Variants in PCSK6 observed in about 807,000 individuals in gnomAD.
The protein encoded by PCSK6 is paired basic amino acid cleaving enzyme 4.
A neutral mutation model predicts 123.3 loss-of-function variants in PCSK6; 85 were observed. The ratio of observed to expected loss-of-function variants is 0.69; its 90% CI spans 0.58 to 0.83. The LOEUF (loss-of-function observed/expected upper bound fraction) is 0.83, where lower values mean the gene tolerates loss of function less well. Among genes scored for constraint, PCSK6 ranks in the 40% least tolerant of loss-of-function variants. The pLI is 0.00. For missense variants in PCSK6, 1,191 were observed against 1,282.3 expected, an observed-to-expected ratio of 0.93 and a Z score of 1.09; for synonymous variants, 508 against 516.0, an observed-to-expected ratio of 0.98 and a Z score of 0.21.
chr15:101,349,301 T>C (rs1303621344), intron 13 of PCSK6, among the ~76,000 whole-genome samples: 1 of 152,162 alleles, frequency 6.6e-6, no homozygotes, highest in Non-Finnish European at 1.5e-5. Context: ...TCGGGAAAAG[T>C]GTTGCTTAAG....
Position 101,363,796 on chromosome 15 carries a change from A to ATT in PCSK6, c.1858+2398_1858+2399dup, listed in dbSNP as rs34172190. Among the ~76,000 whole-genome samples, 784 of 142,738 alleles carry ATT rather than the reference A, an allele frequency of 5.5e-3. 5 individuals are homozygous for ATT. The highest frequency in any genetic ancestry group is 0.017 in the African/African-American group (650 of 38,666). 93.6% of individuals were successfully genotyped at this position (142,738 alleles called of 152,430 possible). A position where few individuals can be genotyped will look rare whatever the true frequency, so the allele number is the denominator to read the frequency against. On this transcript the variant is annotated intron_variant, in intron 13 of 21. Transcript: ENST00000611716. Reference sequence around the variant, plus strand: ...AGGTGCCTGCCACCTTGCCTGGCTAATTTTTTTTTTTTTTTGGATTTTTAG... The same window carrying ATT: ...AGGTGCCTGCCACCTTGCCTGGCTAATTTTTTTTTTTTTTTTTGGATTTTTAG...
intron 6 of PCSK6, among the ~76,000 whole-genome samples, chr15:101,419,152 C>G (rs528820139): frequency 4.0e-5 from 6 of 151,806 alleles, no homozygotes; most frequent in African/African-American, 1.2e-4. Flanking sequence ...GATAAAACCA[C>G]CATTATATTT....
chr15:101,387,009 T>G (rs1328111244), intron 9 of PCSK6, among the ~76,000 whole-genome samples: 1 of 152,198 alleles, frequency 6.6e-6, no homozygotes, highest in Admixed American at 6.5e-5. Flanking sequence ...TTGGGTATAC[T>G]CCTTCCCTGG....
intron 6 of PCSK6, among the ~76,000 whole-genome samples, chr15:101,402,772 C>T (rs1269404260): frequency 6.6e-6 from 1 of 152,160 alleles, no homozygotes; most frequent in Non-Finnish European, 1.5e-5. Flanking sequence ...CAGGAAACAA[C>T]AGGTGCTGGA....
chr15:101,398,301 T>C lies in PCSK6; in HGVS notation c.996+103A>G. The C allele has an allele frequency of 7.3e-7, 1 of 1,376,840 alleles. No individual in the cohort carries two copies. Among genetic ancestry groups the C allele is most frequent in the Non-Finnish European group, 9.9e-7 (1 of 1,010,852 alleles). The allele number at this position is 1,376,840 out of a possible 1,614,324, so 85.3% of individuals were successfully genotyped here. ...GCACCTGTCACAGCAGAGTCTTCCC[T>C]GTCTTGTTTCAGGGCTGTGGCCAGT... is the stretch of plus-strand genomic sequence containing the variant. On this transcript the variant is annotated intron_variant, in intron 7 of 21. Coordinates refer to ENST00000611716, the MANE Select transcript of PCSK6 (RefSeq NM_002570.5). This position sits in a 1 kb window ranked among gnomAD's most constrained non-coding sequence, Gnocchi z 4.6.
intron 15 of PCSK6, among the ~76,000 whole-genome samples, chr15:101,330,214 C>T (rs1416995632): frequency 6.6e-6 from 1 of 152,242 alleles, no homozygotes; most frequent in Non-Finnish European, 1.5e-5. Context: ...TGCTCTGGTC[C>T]TCAACCTTCC....
intron 6 of PCSK6, among the ~76,000 whole-genome samples, chr15:101,411,512 G>A (rs7173117): frequency 0.29 from 44,145 of 152,100 alleles, 7,088 homozygotes; most frequent in African/African-American, 0.44. Flanking sequence ...GCCACATGGG[G>A]ATCTGTGAGC....
Position 101,370,319 on chromosome 15 carries a change from G to T in PCSK6, c.1721+16C>A. ...CAGTGAGCCCAGACCCCATCCCCACGCCTGCCTCGCCTTACCTCTTTGCCA... is the reference window on the plus strand; with the variant it reads ...CAGTGAGCCCAGACCCCATCCCCACTCCTGCCTCGCCTTACCTCTTTGCCA... On this transcript the variant is annotated intron_variant, in intron 12 of 21. Transcript: ENST00000611716. The T allele has an allele frequency of 3.3e-6, 5 of 1,500,864 alleles. No individual in the cohort carries two copies. Among genetic ancestry groups the T allele is most frequent in the Non-Finnish European group, 4.5e-6 (5 of 1,119,022 alleles). 93.0% of individuals were successfully genotyped at this position (1,500,864 alleles called of 1,614,324 possible).
intron 1 of PCSK6, among the ~76,000 whole-genome samples, chr15:101,472,260 G>A (rs967916542): frequency 6.6e-6 from 1 of 152,206 alleles, no homozygotes; most frequent in Non-Finnish European, 1.5e-5. Flanking sequence ...AGGGGCCGAC[G>A]CAGAAATCAA....
chr15:101,489,302 C>A, intron 1 of PCSK6, 72 bp downstream of exon 1: 7 of 971,154 alleles, frequency 7.2e-6, no homozygotes, highest in Non-Finnish European at 8.8e-6. Flanking sequence ...GACAGGACTG[C>A]GGAGGCGCCC....
At chr15:101,396,599 C>T (rs1317567303) in intron 7 of PCSK6, among the ~76,000 whole-genome samples, 2 of 151,868 alleles carry the variant, frequency 1.3e-5, no homozygotes, top group African/African-American at 2.4e-5. Context: ...TGGGTTGGAG[C>T]TGGGAGCTAA....
At chr15:101,428,096 TTA>T in intron 5 of PCSK6, 116 bp from the exon 6 acceptor site, 1 of 828,464 alleles carries the variant, frequency 1.2e-6, no homozygotes, top group Non-Finnish European at 1.9e-6. Flanking sequence ...AGAGATGTCA[TTA>T]AAGCCCATTT....
At chr15:101,313,662 C>A in intron 19 of PCSK6, 157 bp from the exon 20 acceptor site, 1 of 1,069,872 alleles carries the variant, frequency 9.3e-7, no homozygotes, top group Non-Finnish European at 1.3e-6. Flanking sequence ...GCTGGGCCGT[C>A]CTCACCCACT....
chr15:101,389,535 G>A lies in PCSK6; in HGVS notation c.1239C>T (p.Thr413=), dbSNP rs77239269. 1.0e-3 allele frequency: 1,678 copies of A among 1,613,552 alleles called. 17 individuals are homozygous for A. The African/African-American group carries it at 0.018, about 17-fold the overall frequency. Residue 413 remains threonine (T), a synonymous_variant, in exon 9 of 22, where the codon ACC becomes ACT. Coordinates refer to ENST00000611716, the MANE Select transcript of PCSK6 (RefSeq NM_002570.5). ...AGACTGAGGTCCCAGTGTGGCCATC[G>A]GTACAGCGCTGACGCAGATCCGTGG... ...IVTTDLRQRC[T]DGHTGTSVSA... is the part of the protein sequence containing the mutation.
At chr15:101,471,772 G>A (rs1054877148) in intron 1 of PCSK6, among the ~76,000 whole-genome samples, 11 of 152,122 alleles carry the variant, frequency 7.2e-5, no homozygotes, top group Admixed American at 5.2e-4. Context: ...AGAAAGTCTC[G>A]CATGTGCCTT....
chr15:101,382,905 G>C (rs2041948848), intron 10 of PCSK6, among the ~76,000 whole-genome samples: 1 of 152,142 alleles, frequency 6.6e-6, no homozygotes, highest in Admixed American at 6.5e-5. Flanking sequence ...GCAAAACAAA[G>C]ATGAACTAGC....
Position 101,431,971 on chromosome 15 carries a change from G to A in PCSK6, c.513+19C>T. On this transcript the variant is annotated intron_variant, in intron 3 of 21. Coordinates refer to ENST00000611716, the MANE Select transcript of PCSK6 (RefSeq NM_002570.5). ...CAGTGCAAGTGTCCTGGGGCAGACAGAGGTCCTGTCCTACTCACCAGGTAC... is the reference window on the plus strand; with the variant it reads ...CAGTGCAAGTGTCCTGGGGCAGACAAAGGTCCTGTCCTACTCACCAGGTAC... The A allele has an allele frequency of 6.4e-7, 1 of 1,566,710 alleles. No homozygotes were observed. Among genetic ancestry groups the A allele is most frequent in the Non-Finnish European group, 8.8e-7 (1 of 1,139,122 alleles).
chr15:101,370,249 C>T, intron 12 of PCSK6, 86 bp downstream of exon 12: 1 of 1,174,046 alleles, frequency 8.5e-7, no homozygotes, highest in Non-Finnish European at 1.1e-6. Context: ...TGCAGAGACA[C>T]TGTGGGCCCA....
At chr15:101,334,630 T>G (rs1038637812) in intron 13 of PCSK6, 6 of 152,386 alleles carry the variant, frequency 3.9e-5, no homozygotes, top group Middle Eastern at 3.4e-3. Flanking sequence ...GCTGGGGTTG[T>G]GATGATGGTA....
Sources: gnomAD v4.1 joint callset for allele counts (sites outside exome capture counted in the v4.1 genomes callset) on GRCh38, gnomAD v4.1.1 for gene constraint, Gnocchi (gnomAD v3.1) non-coding constraint, MANE v1.5 for transcripts, NCBI Gene and HGNC (gene_info 2026-07-23, HGNC 2026-07-21) for gene names.